GTF2IRD1: variants seen among roughly 807,000 people sequenced by gnomAD.
The protein encoded by GTF2IRD1 is GTF2I repeat domain containing 1.
A neutral mutation model predicts 113.2 loss-of-function variants in GTF2IRD1; 26 were observed. That is an observed-to-expected ratio of 0.23 (90% CI 0.17 to 0.32). The LOEUF (loss-of-function observed/expected upper bound fraction) is 0.32, where lower values mean the gene tolerates loss of function less well. GTF2IRD1 is among the 10% of genes least tolerant of loss of function. GTF2IRD1 has a pLI of 1.00. For missense variants in GTF2IRD1, 864 were observed against 1,280.8 expected, an observed-to-expected ratio of 0.67 and a Z score of 4.97; for synonymous variants, 484 against 529.1, an observed-to-expected ratio of 0.91 and a Z score of 1.17.
intron 17 of GTF2IRD1, among the ~76,000 whole-genome samples, chr7:74,551,445 C>G (rs1338055901): frequency 6.6e-6 from 1 of 152,224 alleles, no homozygotes; most frequent in Non-Finnish European, 1.5e-5. Flanking sequence ...TGCAGCCCAG[C>G]AGTAAATGCC....
intron 22 of GTF2IRD1, among the ~76,000 whole-genome samples, chr7:74,578,576 G>A (rs1213839794): frequency 2.0e-5 from 3 of 152,186 alleles, no homozygotes; most frequent in Non-Finnish European, 4.4e-5. Context: ...GTGTGTAGCT[G>A]TAGCTTCTTA....
intron 1 of GTF2IRD1, among the ~76,000 whole-genome samples, chr7:74,495,093 T>C (rs1409596215): frequency 6.6e-6 from 1 of 152,232 alleles, no homozygotes; most frequent in African/African-American, 2.4e-5. Flanking sequence ...TGCAGGAGGA[T>C]GGACCAGAGA....
chr7:74,458,731 T>C (rs190729368), intron 1 of GTF2IRD1, among the ~76,000 whole-genome samples: 5 of 151,492 alleles, frequency 3.3e-5, no homozygotes, highest in Non-Finnish European at 5.9e-5. Context: ...CCCAACTCAC[T>C]GCAACTTCCA....
intron 8 of GTF2IRD1, among the ~76,000 whole-genome samples, chr7:74,528,321 C>T (rs995318700): frequency 5.3e-5 from 8 of 152,148 alleles, no homozygotes; most frequent in African/African-American, 1.9e-4. Context: ...AGCGATCCTC[C>T]AGCATCAGCC....
intron 1 of GTF2IRD1, among the ~76,000 whole-genome samples, chr7:74,479,894 C>T (rs910609475): frequency 2.0e-5 from 3 of 151,782 alleles, no homozygotes; most frequent in East Asian, 1.9e-4. Context: ...CTTATAGGCG[C>T]GTCCACCATG....
At chr7:74,477,970 C>T (rs1554333851) in intron 1 of GTF2IRD1, among the ~76,000 whole-genome samples, 1 of 152,200 alleles carries the variant, frequency 6.6e-6, no homozygotes, top group African/African-American at 2.4e-5. Context: ...TGCCTGGCCC[C>T]AGGGGTTGGC....
chr7:74,524,278 A>G (rs1554346746), intron 8 of GTF2IRD1, 124 bp downstream of exon 8: 2 of 634,776 alleles, frequency 3.2e-6, no homozygotes, highest in Non-Finnish European at 5.5e-6. Context: ...GCGCGCCGGC[A>G]CCGCTAATGT....
At chr7:74,583,925 G>A (rs782721541) in intron 22 of GTF2IRD1, among the ~76,000 whole-genome samples, 1 of 152,076 alleles carries the variant, frequency 6.6e-6, no homozygotes, top group Non-Finnish European at 1.5e-5. Context: ...TTGGAGCTTT[G>A]GGCCCCGTGT....
intron 1 of GTF2IRD1, among the ~76,000 whole-genome samples, chr7:74,491,361 G>T (rs1486864407): frequency 7.0e-6 from 1 of 143,104 alleles, no homozygotes; most frequent in African/African-American, 2.7e-5. Context: ...GTACAAGTGT[G>T]CAGGTTTGTG....
chr7:74,528,762 G>GATGGATGA (rs1797758181), intron 8 of GTF2IRD1, among the ~76,000 whole-genome samples: 1 of 120,604 alleles, frequency 8.3e-6, no homozygotes, highest in Non-Finnish European at 1.8e-5. Flanking sequence ...TGGATGAATG[G>GATGGATGA]ATGGATGGGC....
chr7:74,538,983 C>G (rs2130580543), intron 13 of GTF2IRD1, among the ~76,000 whole-genome samples: 1 of 152,336 alleles, frequency 6.6e-6, no homozygotes, highest in East Asian at 1.9e-4. Context: ...CTCAAAACTT[C>G]ACCTCCCTGG....
At position 74,557,565 on chromosome 7, in the gene GTF2IRD1, A is replaced by G. The variant is rs1200356330; in HGVS notation, c.2024-74A>G. ...AGAAGGAGTTCCCCATAATTAGAAA[A>G]TCATCTTCCTTAAAAGTCACCAAGT... On this transcript the variant is annotated intron_variant, in intron 19 of 26. Coordinates refer to ENST00000424337, the MANE Select transcript of GTF2IRD1 (RefSeq NM_005685.4). The G allele has an allele frequency of 1.3e-5, 13 of 1,002,274 alleles. No homozygotes were observed. In the East Asian group the frequency reaches 3.3e-4, roughly 25 times the overall value. 62.1% of individuals were successfully genotyped at this position (1,002,274 alleles called of 1,614,324 possible).
chr7:74,601,441 T>G (rs1005060119), intron 26 of GTF2IRD1: 20 of 1,458,956 alleles, frequency 1.4e-5, no homozygotes, highest in Non-Finnish European at 1.8e-6. Context: ...GAGGTCCACC[T>G]GCCCACACCC....
At chr7:74,566,678 T>C (rs1165136229) in intron 22 of GTF2IRD1, among the ~76,000 whole-genome samples, 1 of 152,170 alleles carries the variant, frequency 6.6e-6, no homozygotes, top group Non-Finnish European at 1.5e-5. Flanking sequence ...CAAAGCCCAC[T>C]CACGTTACCA....
chr7:74,515,304 C>CTTCA (rs1554344302), intron 3 of GTF2IRD1, 137 bp from the exon 4 acceptor site: 3 of 1,513,342 alleles, frequency 2.0e-6, no homozygotes, highest in Non-Finnish European at 2.7e-6. Flanking sequence ...CTCATTAATT[C>CTTCA]TTCATTCATT....
At chr7:74,575,571 G>A (rs868936252) in intron 22 of GTF2IRD1, among the ~76,000 whole-genome samples, 7 of 152,232 alleles carry the variant, frequency 4.6e-5, no homozygotes, top group African/African-American at 1.2e-4. Flanking sequence ...CGCCTGTGGC[G>A]GCAGTGGGGT....
chr7:74,545,911 C>A, intron 16 of GTF2IRD1, 102 bp downstream of exon 16: 1 of 844,636 alleles, frequency 1.2e-6, no homozygotes, highest in South Asian at 1.4e-5. Context: ...GTTCCCATCC[C>A]AGCTGTTCTC....
At chr7:74,560,072 C>T (rs1359149765) in intron 22 of GTF2IRD1, among the ~76,000 whole-genome samples, 2 of 152,220 alleles carry the variant, frequency 1.3e-5, no homozygotes, top group Non-Finnish European at 2.9e-5. Context: ...TGAGCCACTG[C>T]GCCCGGCCTA....
In GTF2IRD1 at chr7:74,488,043, G is replaced by T. The variant is rs901609534; in HGVS notation, c.-6-20032G>T. Among the ~76,000 whole-genome samples, 4 of 152,248 alleles carry T rather than the reference G, an allele frequency of 2.6e-5. No homozygotes were observed. In the East Asian group the frequency reaches 7.7e-4, roughly 29 times the overall value. On this transcript the variant is annotated intron_variant, in intron 1 of 26. Coordinates refer to ENST00000424337, the MANE Select transcript of GTF2IRD1 (RefSeq NM_005685.4). ...ACACTCATAATCTAGCACTTTGGGA[G>T]CCCAAGGTGAGAAGATCACTTGAGG...
Sources: gnomAD v4.1 joint callset for allele counts (sites outside exome capture counted in the v4.1 genomes callset) on GRCh38, gnomAD v4.1.1 for gene constraint, MANE v1.5 for transcripts, NCBI Gene and HGNC (gene_info 2026-07-23, HGNC 2026-07-21) for gene names.